The following PRKCA variants were observed in gnomAD, a reference collection of about 807,000 sequenced individuals.
The protein encoded by PRKCA is protein kinase C alpha, also known as protein kinase C alpha type.
In PRKCA, 27 loss-of-function variants were observed where a neutral mutation model predicts 87.0. The ratio of observed to expected loss-of-function variants is 0.31; its 90% CI spans 0.23 to 0.43. The LOEUF is 0.43. PRKCA is among the 20% of genes least tolerant of loss of function. The probability of loss-of-function intolerance (pLI) is 1.00; values close to 1 mark genes in which losing one functional copy is unlikely to be tolerated. For synonymous variants in PRKCA, 329 were observed against 311.1 expected (o/e 1.06, Z -0.61); for missense variants, 518 against 852.3 (o/e 0.61, Z 4.88).
chr17:66,515,603 G>T (rs563748981), intron 3 of PRKCA, among the ~76,000 whole-genome samples: 1 of 152,096 alleles, frequency 6.6e-6, no homozygotes, highest in Non-Finnish European at 1.5e-5. Flanking sequence ...AGTGCAGTGG[G>T]GTGGTCACAG....
In PRKCA at chr17:66,792,482, A is replaced by G. The variant is rs1374653146; in HGVS notation, c.1854+3503A>G. 6.6e-6 allele frequency among the ~76,000 whole-genome samples: 1 copy of G among 152,232 alleles called. No homozygotes were observed. Among genetic ancestry groups the G allele is most frequent in the Non-Finnish European group, 1.5e-5 (1 of 68,052 alleles). ...CAGCCACAGAGCTTATCAGGGAATC[A>G]TGGTTCCTCTAGTGTGCTGTCTTAA... On this transcript the variant is annotated intron_variant, in intron 16 of 16. Coordinates refer to ENST00000413366, the MANE Select transcript of PRKCA (RefSeq NM_002737.3). The surrounding 1 kb of genome is among the most constrained non-coding windows in gnomAD (Gnocchi z 4.5).
At chr17:66,442,586 C>A (rs1195700202) in intron 2 of PRKCA, among the ~76,000 whole-genome samples, 1 of 152,102 alleles carries the variant, frequency 6.6e-6, no homozygotes, top group East Asian at 1.9e-4. Flanking sequence ...AGCTGCCCTG[C>A]GTCTCCAGCC....
intron 3 of PRKCA, among the ~76,000 whole-genome samples, chr17:66,546,146 A>G (rs958980294): frequency 1.3e-5 from 2 of 152,186 alleles, no homozygotes; most frequent in Non-Finnish European, 2.9e-5. Flanking sequence ...TACACCATTT[A>G]TATGTAATGG....
intron 5 of PRKCA, among the ~76,000 whole-genome samples, chr17:66,674,585 G>A (rs1487284691): frequency 3.3e-5 from 5 of 152,196 alleles, no homozygotes; most frequent in Non-Finnish European, 7.3e-5. Flanking sequence ...CTAGGGGAAT[G>A]TGGGCCAGAA....
chr17:66,424,027 A>C (rs1474371000), intron 2 of PRKCA, among the ~76,000 whole-genome samples: 2 of 152,192 alleles, frequency 1.3e-5, no homozygotes, highest in Non-Finnish European at 2.9e-5. Flanking sequence ...CTGTCTTAGC[A>C]GAAGTGTAGA....
At chr17:66,666,055 A>G (rs1387471905) in intron 5 of PRKCA, among the ~76,000 whole-genome samples, 1 of 152,204 alleles carries the variant, frequency 6.6e-6, no homozygotes, top group Non-Finnish European at 1.5e-5. Context: ...ACAGAGAACA[A>G]TAAAGTTGAC....
intron 2 of PRKCA, among the ~76,000 whole-genome samples, chr17:66,429,571 G>T (rs1438378959): frequency 6.6e-6 from 1 of 152,098 alleles, no homozygotes; most frequent in Non-Finnish European, 1.5e-5. Flanking sequence ...GAGATTTAGT[G>T]ATAGTTGCAT....
At chr17:66,479,442 A>G (rs947842269) in intron 2 of PRKCA, among the ~76,000 whole-genome samples, 8 of 152,328 alleles carry the variant, frequency 5.3e-5, no homozygotes, top group African/African-American at 1.9e-4. Flanking sequence ...GCAAGACAGT[A>G]TGGCCATTCT....
In PRKCA at chr17:66,710,647, C is replaced by T. The variant is rs1973302346; in HGVS notation, c.918+21600C>T. Among the ~76,000 whole-genome samples, 3 of 152,056 alleles carry T rather than the reference C, an allele frequency of 2.0e-5. No homozygotes were observed. In the South Asian group the frequency reaches 6.2e-4, roughly 32 times the overall value. Reference sequence around the variant, plus strand: ...CTTAGTCTGTGTGCTCCCTTCCAAGCAGCCACGGCCCTCCCATGAAAAAAA... The same window carrying T: ...CTTAGTCTGTGTGCTCCCTTCCAAGTAGCCACGGCCCTCCCATGAAAAAAA... On this transcript the variant is annotated intron_variant, in intron 8 of 16. Coordinates refer to ENST00000413366, the MANE Select transcript of PRKCA (RefSeq NM_002737.3).
intron 2 of PRKCA, among the ~76,000 whole-genome samples, chr17:66,474,669 C>T (rs1204713913): frequency 1.3e-5 from 2 of 152,146 alleles, no homozygotes; most frequent in Non-Finnish European, 2.9e-5. Context: ...CTGAAGAATC[C>T]TTTGGCTGTG....
intron 3 of PRKCA, among the ~76,000 whole-genome samples, chr17:66,507,523 A>G (rs938789387): frequency 2.6e-5 from 4 of 152,218 alleles, no homozygotes; most frequent in Non-Finnish European, 4.4e-5. Context: ...GAATCATACA[A>G]TCCTGAGACA....
In PRKCA at chr17:66,587,843, A is replaced by G. The variant is rs1484906613; in HGVS notation, c.289-53512A>G. ...TATACATATATACGTATATGTGTGT[A>G]TCTACATATACATATATACATATGT... On this transcript the variant is annotated intron_variant, in intron 3 of 16. Coordinates refer to ENST00000413366, the MANE Select transcript of PRKCA (RefSeq NM_002737.3). Among the ~76,000 whole-genome samples, 6 of 127,438 alleles carry G rather than the reference A, an allele frequency of 4.7e-5. 1 individual carries two copies. Among genetic ancestry groups the G allele is most frequent in the East Asian group, 2.1e-4 (1 of 4,728 alleles). The allele number at this position is 127,438 out of a possible 152,430, so 83.6% of individuals were successfully genotyped here.
intron 8 of PRKCA, among the ~76,000 whole-genome samples, chr17:66,718,156 CA>C (rs1973522940): frequency 6.6e-6 from 1 of 151,228 alleles, no homozygotes; most frequent in Non-Finnish European, 1.5e-5. Flanking sequence ...TTACAAACTG[CA>C]TATGTTTCTC....
chr17:66,457,113 T>G lies in PRKCA; in HGVS notation c.206-39088T>G, dbSNP rs148031424. On this transcript the variant is annotated intron_variant, in intron 2 of 16. Coordinates refer to ENST00000413366, the MANE Select transcript of PRKCA (RefSeq NM_002737.3). ...CCTACACTGATCATGCCAGAGCGAT[T>G]TAATATTTCAATAAGAATTTAAGGG... is the stretch of plus-strand genomic sequence containing the variant. Among the ~76,000 whole-genome samples, 460 of 152,316 alleles carry G rather than the reference T, an allele frequency of 3.0e-3. 3 individuals carry two copies. Among genetic ancestry groups the G allele is most frequent in the African/African-American group, 0.011 (438 of 41,564 alleles).
chr17:66,585,426 G>T (rs978813878), intron 3 of PRKCA, among the ~76,000 whole-genome samples: 8 of 152,202 alleles, frequency 5.3e-5, no homozygotes, highest in Non-Finnish European at 1.2e-4. Flanking sequence ...GAAATGATCT[G>T]GGGGCTGCTT....
At position 66,577,830 on chromosome 17, in the gene PRKCA, C is replaced by T. The variant is rs537089337; in HGVS notation, c.289-63525C>T. ...TCAGAGAATGACACTGGAGTGAGGA[C>T]GGGGTAGTGGGGGGTAGGGAGTGGG... On this transcript the variant is annotated intron_variant, in intron 3 of 16. Coordinates refer to ENST00000413366, the MANE Select transcript of PRKCA (RefSeq NM_002737.3). 3.5e-3 allele frequency among the ~76,000 whole-genome samples: 535 copies of T among 152,108 alleles called. 2 individuals are homozygous for T. Among genetic ancestry groups the T allele is most frequent in the African/African-American group, 0.012 (501 of 41,490 alleles).
intron 6 of PRKCA, 32 bp from the exon 7 acceptor site, chr17:66,688,270 A>C: frequency 1.2e-6 from 2 of 1,611,684 alleles, no homozygotes. Context: ...GATCAAGATA[A>C]CCTAGTGTTT....
rs148067754 is a variant in PRKCA at position 66,420,168 on chromosome 17, C to G, written c.206-76033C>G. On this transcript the variant is annotated intron_variant, in intron 2 of 16. Transcript: ENST00000413366. Reference sequence around the variant, plus strand: ...CTGGGACTGCAGAAGTATGCCACCACGCCCGGCTAATTTTGTATTTTTAGT... The same window carrying G: ...CTGGGACTGCAGAAGTATGCCACCAGGCCCGGCTAATTTTGTATTTTTAGT... Among the ~76,000 whole-genome samples the G allele has an allele frequency of 8.8e-4, 134 of 152,124 alleles. 3 individuals carry two copies. In the East Asian group the frequency reaches 0.021, roughly 24 times the overall value.
intron 14 of PRKCA, among the ~76,000 whole-genome samples, chr17:66,784,305 G>A (rs1242763886): frequency 6.6e-6 from 1 of 152,142 alleles, no homozygotes; most frequent in Non-Finnish European, 1.5e-5. Context: ...GAGTGCAGCA[G>A]CGCAATCTCA....
Sources: allele counts gnomAD v4.1 joint callset (sites outside exome capture counted in the v4.1 genomes callset), GRCh38; gene constraint gnomAD v4.1.1; non-coding constraint Gnocchi (gnomAD v3.1); transcripts MANE v1.5; gene names NCBI Gene and HGNC (gene_info 2026-07-23, HGNC 2026-07-21).